The following TENM3 variants were observed in gnomAD, a reference collection of about 807,000 sequenced individuals.
The protein encoded by TENM3 is teneurin transmembrane protein 3, also known as teneurin-3.
TENM3 carries 63 observed loss-of-function variants against 255.1 expected under a neutral mutation model. That is an observed-to-expected ratio of 0.25 (90% CI 0.20 to 0.30). The LOEUF is 0.30. Among genes scored for constraint, TENM3 ranks in the 10% least tolerant of loss-of-function variants. The probability of loss-of-function intolerance (pLI) is 1.00; values close to 1 mark genes in which losing one functional copy is unlikely to be tolerated. For synonymous variants in TENM3, 1,306 were observed against 1,322.3 expected, an observed-to-expected ratio of 0.99 and a Z score of 0.27; for missense variants, 2,929 against 3,461.1, an observed-to-expected ratio of 0.85 and a Z score of 3.86.
chr4:182,617,468 C>G (rs974122358), intron 4 of TENM3, among the ~76,000 whole-genome samples: 2 of 152,114 alleles, frequency 1.3e-5, no homozygotes, highest in Non-Finnish European at 2.9e-5. Context: ...TGCTTTAGAT[C>G]TGAAAATGTC....
chr4:182,521,813 G>A (rs1015703763), intron 3 of TENM3, among the ~76,000 whole-genome samples: 1 of 152,082 alleles, frequency 6.6e-6, no homozygotes, highest in Non-Finnish European at 1.5e-5. Context: ...AACCAGGAAC[G>A]TTATAGTCCA....
At chr4:181,975,919 A>G in the TENM3 span, 1 of 152,178 alleles carries the variant, frequency 6.6e-6, no homozygotes, top group Non-Finnish European at 1.5e-5. Context: ...TCGAAAATCA[A>G]GGTGTCAGCA....
At chr4:181,704,804 G>A in the TENM3 span, among the ~76,000 whole-genome samples, 5 of 151,950 alleles carry the variant, frequency 3.3e-5, no homozygotes, top group East Asian at 1.9e-4. Context: ...GGGCCGAGGC[G>A]GGCAGATCCC....
At chr4:181,994,554 G>GGTTT in the TENM3 span, among the ~76,000 whole-genome samples, 462 of 128,380 alleles carry the variant, frequency 3.6e-3, 3 homozygotes, top group African/African-American at 0.013. Flanking sequence ...TTTTTTGTGG[G>GGTTT]TTTTTTTTTT....
chr4:182,434,026 A>T (rs1198804974), intron 3 of TENM3, among the ~76,000 whole-genome samples: 1 of 152,114 alleles, frequency 6.6e-6, no homozygotes, highest in Non-Finnish European at 1.5e-5. Context: ...AGGCAGAAGG[A>T]TCCTTTGAAT....
chr4:182,081,384 G>A, the TENM3 span, among the ~76,000 whole-genome samples: 1 of 152,000 alleles, frequency 6.6e-6, no homozygotes, highest in Non-Finnish European at 1.5e-5. Context: ...AGGAGTTCGA[G>A]ACCAGCCTGG....
At chr4:181,769,815 A>G in the TENM3 span, among the ~76,000 whole-genome samples, 1 of 152,190 alleles carries the variant, frequency 6.6e-6, no homozygotes, top group Non-Finnish European at 1.5e-5. Context: ...CTCTTATTGC[A>G]TGTTTAATCA....
At chr4:182,192,130 A>G (rs1408190700) in intron 1 of TENM3, among the ~76,000 whole-genome samples, 1 of 152,142 alleles carries the variant, frequency 6.6e-6, no homozygotes, top group Non-Finnish European at 1.5e-5. Context: ...TGGCATCCAC[A>G]AAGAGTCTGA....
intron 1 of TENM3, among the ~76,000 whole-genome samples, chr4:182,152,816 G>A (rs370869488): frequency 6.6e-6 from 1 of 151,726 alleles, no homozygotes; most frequent in African/African-American, 2.4e-5. Context: ...AGATGCTACA[G>A]AATTTGCTTA....
the TENM3 span, among the ~76,000 whole-genome samples, chr4:181,777,463 T>C: frequency 1.3e-5 from 2 of 152,132 alleles, no homozygotes; most frequent in Non-Finnish European, 2.9e-5. Context: ...TTGTATTTGA[T>C]GGAGATTGCA....
intron 1 of TENM3, among the ~76,000 whole-genome samples, chr4:182,295,809 C>T (rs1003013090): frequency 1.3e-5 from 2 of 152,184 alleles, no homozygotes; most frequent in South Asian, 4.1e-4. Context: ...ATCTGGATAA[C>T]GCATTCACAA....
At chr4:181,768,117 CAG>C in the TENM3 span, among the ~76,000 whole-genome samples, 1 of 152,194 alleles carries the variant, frequency 6.6e-6, no homozygotes, top group Non-Finnish European at 1.5e-5. Flanking sequence ...AAGTATTTAG[CAG>C]AGTTTTGGAT....
At chr4:182,395,382 A>G (rs536469451) in intron 3 of TENM3, among the ~76,000 whole-genome samples, 3 of 152,330 alleles carry the variant, frequency 2.0e-5, no homozygotes, top group African/African-American at 7.2e-5. Flanking sequence ...TTTAGGGAGT[A>G]CTGATTAATA....
intron 1 of TENM3, among the ~76,000 whole-genome samples, chr4:182,279,802 C>T (rs1760254143): frequency 6.6e-6 from 1 of 152,114 alleles, no homozygotes; most frequent in Non-Finnish European, 1.5e-5. Context: ...TTGGTCACAT[C>T]CCAGGAGCTC....
At chr4:182,277,378 TA>T (rs1180904186) in intron 1 of TENM3, among the ~76,000 whole-genome samples, 4 of 152,148 alleles carry the variant, frequency 2.6e-5, no homozygotes, top group Non-Finnish European at 4.4e-5. Context: ...TTAATTTTTT[TA>T]TTGTCTTCTT....
chr4:181,951,251 G>A, the TENM3 span, among the ~76,000 whole-genome samples: 3 of 151,956 alleles, frequency 2.0e-5, no homozygotes, highest in Non-Finnish European at 4.4e-5. Context: ...TCCACTCCAA[G>A]TTCATTGAAC....
chr4:181,538,109 A>G, the TENM3 span, among the ~76,000 whole-genome samples: 1 of 152,222 alleles, frequency 6.6e-6, no homozygotes, highest in Admixed American at 6.5e-5. Context: ...TAAACCTTCA[A>G]GAAATGGGCA....
chr4:182,414,552 T>C (rs1770230820), intron 3 of TENM3, among the ~76,000 whole-genome samples: 1 of 152,216 alleles, frequency 6.6e-6, no homozygotes, highest in Admixed American at 6.5e-5. Flanking sequence ...TTTAAATGCA[T>C]GCAATTACAT....
intron 1 of TENM3, among the ~76,000 whole-genome samples, chr4:182,157,928 G>A (rs1750820321): frequency 6.6e-6 from 1 of 152,204 alleles, no homozygotes; most frequent in Non-Finnish European, 1.5e-5. Flanking sequence ...ACCAAGATAT[G>A]CGTCCTCTCA....
Sources: gnomAD v4.1 joint callset for allele counts (sites outside exome capture counted in the v4.1 genomes callset) on GRCh38, gnomAD v4.1.1 for gene constraint, MANE v1.5 for transcripts, NCBI Gene and HGNC (gene_info 2026-07-23, HGNC 2026-07-21) for gene names.